Variants in PFKP observed in about 807,000 individuals in gnomAD.
PFKP encodes the protein ATP-dependent 6-phosphofructokinase, platelet type.
Under a neutral mutation model 94.3 loss-of-function variants are expected in PFKP, and 101 were observed. The ratio of observed to expected loss-of-function variants is 1.07; its 90% confidence interval spans 0.91 to 1.26. The LOEUF is 1.26. PFKP is among the 50% of genes most tolerant of loss of function. The pLI is 0.00. For missense variants in PFKP, 1,145 were observed against 1,103.3 expected (o/e 1.04, Z -0.53); for synonymous variants, 573 against 432.6 (o/e 1.32, Z -4.03).
chr10:3,117,179 G>GCA (rs1286174066), intron 14 of PFKP, among the ~76,000 whole-genome samples: 2 of 152,204 alleles, frequency 1.3e-5, no homozygotes, highest in Non-Finnish European at 2.9e-5. Context: ...CGTGGAGATG[G>GCA]CACTCTAAGC....
chr10:3,135,879 T>C (rs763597285), intron 21 of PFKP, 41 bp downstream of exon 21: 10 of 1,215,738 alleles, frequency 8.2e-6, no homozygotes, highest in Non-Finnish European at 1.2e-5. Flanking sequence ...GACCCCAATG[T>C]GAGTACGGGA....
rs772596930 is a variant in PFKP at position 3,129,867 on chromosome 10, TTCA to T, written c.1738_1740del (p.Ile580del). 11 of 1,613,650 alleles carry T rather than the reference TTCA, an allele frequency of 6.8e-6. No individual in the cohort carries two copies. The highest frequency in any genetic ancestry group is 4.0e-5 in the African/African-American group (3 of 75,038). On this transcript the variant is annotated inframe_deletion, in exon 17 of 22. Coordinates refer to ENST00000381125, the MANE Select transcript of PFKP (RefSeq NM_002627.5). The stretch of plus-strand genomic sequence containing the variant: ...CGCCAGCGGAACCAAGCGGCGCGTG[TTCA>T]TCATCGAGACCATGGGCGGCTACTG...
At chr10:3,098,688 A>AAAAAAAAAAAAAAAG (rs1313571952) in intron 2 of PFKP, among the ~76,000 whole-genome samples, 8 of 151,686 alleles carry the variant, frequency 5.3e-5, no homozygotes, top group Admixed American at 6.6e-5. Context: ...AAAAAAAAAA[A>AAAAAAAAAAAAAAAG]AAGGTAATTG....
chr10:3,103,734 C>T lies in PFKP; in HGVS notation c.455-45C>T, dbSNP rs553161022. ...CCCCTAGTGGGGCACCCCCCGAACG[C>T]GCCATGGTTACGGCGATGAGACGTG... On this transcript the variant is annotated intron_variant, in intron 4 of 21. Coordinates refer to ENST00000381125, the MANE Select transcript of PFKP (RefSeq NM_002627.5). 1.8e-4 allele frequency: 291 copies of T among 1,607,872 alleles called. 1 individual carries two copies. The East Asian group carries it at 3.7e-3, about 21-fold the overall frequency.
At chr10:3,113,049 T>C (rs991714339) in intron 11 of PFKP, 70 bp from the exon 12 acceptor site, 1 of 1,427,374 alleles carries the variant, frequency 7.0e-7, no homozygotes, top group African/African-American at 1.4e-5. Context: ...TAAGCCACCT[T>C]TTCTCCACAT....
At chr10:3,124,892 T>A (rs1448646741) in intron 16 of PFKP, among the ~76,000 whole-genome samples, 1 of 152,184 alleles carries the variant, frequency 6.6e-6, no homozygotes, top group Non-Finnish European at 1.5e-5. Flanking sequence ...GGACCTGGGC[T>A]GTGCCCAGGC....
intron 2 of PFKP, among the ~76,000 whole-genome samples, chr10:3,095,785 C>T (rs924500947): frequency 1.3e-5 from 2 of 152,166 alleles, no homozygotes; most frequent in African/African-American, 4.8e-5. Flanking sequence ...GTAATATCTT[C>T]CTTGTTGGTG....
chr10:3,103,696 C>T (rs76527967), intron 4 of PFKP, 83 bp from the exon 5 acceptor site: 13,970 of 1,353,178 alleles, frequency 0.01, 91 homozygotes, highest in Middle Eastern at 0.016. Context: ...CTACCCATGG[C>T]CATTCTGCCT....
intron 18 of PFKP, among the ~76,000 whole-genome samples, chr10:3,132,788 C>T (rs1838745275): frequency 6.6e-6 from 1 of 152,126 alleles, no homozygotes; most frequent in Non-Finnish European, 1.5e-5. Flanking sequence ...GGGATAGTAC[C>T]CGCCCCCTGT....
intron 2 of PFKP, among the ~76,000 whole-genome samples, chr10:3,090,323 C>G (rs11591990): frequency 0.074 from 11,286 of 152,302 alleles, 615 homozygotes; most frequent in South Asian, 0.12. Context: ...ATAAATCAAC[C>G]TTTCATTTCT....
At position 3,067,560 on chromosome 10, in the gene PFKP, G is replaced by C; in HGVS notation, c.-36G>C. 8.5e-7 allele frequency: 1 copy of C among 1,173,732 alleles called. No individual in the cohort carries two copies. The highest frequency in any genetic ancestry group is 1.4e-5 in the South Asian group (1 of 73,954). 72.7% of individuals were successfully genotyped at this position (1,173,732 alleles called of 1,614,324 possible). ...GGGCAGGGTCCCCATTGCCTGCTGC[G>C]CACCCGGACGTGCGGCTCCCCTCGG... On this transcript the variant is annotated 5_prime_UTR_variant, in exon 1 of 22. Transcript: ENST00000381125.
rs113375530 is a variant in PFKP, at chr10:3,136,780, T to C, written c.*201T>C. ...AGATGTGCATATGAGCAGAATTAAT[T>C]AAACATTTGCCTATGACTCCAACAG... On this transcript the variant is annotated 3_prime_UTR_variant, in exon 22 of 22. Transcript: ENST00000381125. 2.1e-6 allele frequency: 1 copy of C among 482,434 alleles called. No individual in the cohort carries two copies. Among genetic ancestry groups the C allele is most frequent in the South Asian group, 2.4e-5 (1 of 41,290 alleles). 29.9% of individuals were successfully genotyped at this position (482,434 alleles called of 1,614,324 possible).
At chr10:3,132,092 G>C (rs1838651175) in intron 17 of PFKP, among the ~76,000 whole-genome samples, 1 of 152,014 alleles carries the variant, frequency 6.6e-6, no homozygotes, top group African/African-American at 2.4e-5. Context: ...ATGATCACTA[G>C]GCAAAGCACG....
intron 21 of PFKP, 43 bp from the exon 22 acceptor site, chr10:3,136,407 C>T (rs534593667): frequency 6.2e-7 from 1 of 1,605,478 alleles, no homozygotes; most frequent in Non-Finnish European, 8.5e-7. Flanking sequence ...CATCTCCCGC[C>T]AGTGACTGCA....
intron 2 of PFKP, among the ~76,000 whole-genome samples, chr10:3,098,573 G>A (rs189749702): frequency 1.1e-3 from 158 of 150,032 alleles, no homozygotes; most frequent in South Asian, 3.2e-3. Flanking sequence ...TGCTCAGGAG[G>A]CTGAGGCAGG....
intron 14 of PFKP, among the ~76,000 whole-genome samples, chr10:3,117,340 C>T (rs1186432689): frequency 2.6e-5 from 4 of 152,186 alleles, no homozygotes; most frequent in African/African-American, 4.8e-5. Flanking sequence ...GTAAGCCTGG[C>T]GTCCCTGCAT....
In PFKP at chr10:3,134,478, A is replaced by G; in HGVS notation, c.2023-5A>G. The G allele has an allele frequency of 6.3e-7, 1 of 1,580,514 alleles. No individual in the cohort carries two copies. The highest frequency in any genetic ancestry group is 8.7e-7 in the Non-Finnish European group (1 of 1,149,414). Reference sequence around the variant, plus strand: ...GGTATTTCATATAACTCTAACCACCAACAGGGTGGGGCACCCTCTCCATTT... The same window carrying G: ...GGTATTTCATATAACTCTAACCACCGACAGGGTGGGGCACCCTCTCCATTT... On this transcript the variant is annotated splice_polypyrimidine_tract_variant and splice_region_variant and intron_variant, in intron 19 of 21. Transcript: ENST00000381125.
rs999176165 is a variant in PFKP, at chr10:3,071,440, T to G, written c.112+3733T>G. ...CTGTCTCAGGCTGTTTTTTTTTTTT[T>G]TTTTTTTTTCTTTCTCTTCTTCTGC... is the stretch of plus-strand genomic sequence containing the variant. On this transcript the variant is annotated intron_variant, in intron 1 of 21. Transcript: ENST00000381125. 4.7e-4 allele frequency among the ~76,000 whole-genome samples: 61 copies of G among 129,634 alleles called. No homozygotes were observed. The South Asian group carries it at 7.3e-3, about 16-fold the overall frequency. 85.0% of individuals were successfully genotyped at this position (129,634 alleles called of 152,430 possible). A position where few individuals can be genotyped will look rare whatever the true frequency, so the allele number is the denominator to read the frequency against.
intron 1 of PFKP, among the ~76,000 whole-genome samples, chr10:3,069,929 A>G (rs1345300454): frequency 6.6e-6 from 1 of 152,202 alleles, no homozygotes; most frequent in African/African-American, 2.4e-5. Flanking sequence ...GAAGGTTAGT[A>G]AGTCCACGCC....
Sources: allele counts gnomAD v4.1 joint callset (sites outside exome capture counted in the v4.1 genomes callset), GRCh38; gene constraint gnomAD v4.1.1; transcripts MANE v1.5; gene names NCBI Gene and HGNC (gene_info 2026-07-23, HGNC 2026-07-21).